The following ZBTB20 variants were observed in gnomAD, a reference collection of about 807,000 sequenced individuals.
The protein encoded by ZBTB20 is zinc finger and BTB domain containing 20, also known as zinc finger and BTB domain-containing protein 20.
A neutral mutation model predicts 56.9 loss-of-function variants in ZBTB20; 9 were observed. That is an observed-to-expected ratio of 0.16 (90% CI 0.10 to 0.28). The LOEUF (loss-of-function observed/expected upper bound fraction) is 0.28, where lower values mean the gene tolerates loss of function less well. Among genes scored for constraint, ZBTB20 ranks in the 10% least tolerant of loss-of-function variants. ZBTB20 has a pLI of 1.00. For synonymous variants in ZBTB20, 417 were observed against 420.7 expected, an observed-to-expected ratio of 0.99 and a Z score of 0.11; for missense variants, 655 against 1,003.0, an observed-to-expected ratio of 0.65 and a Z score of 4.69.
At chr3:114,856,384 A>C (rs1198742679) in intron 4 of ZBTB20, among the ~76,000 whole-genome samples, 1 of 152,162 alleles carries the variant, frequency 6.6e-6, no homozygotes, top group Non-Finnish European at 1.5e-5. Context: ...ATACCCCTTC[A>C]GTAAAAGAAG....
At chr3:114,360,833 C>T (rs1475387687) in intron 10 of ZBTB20, among the ~76,000 whole-genome samples, 8 of 151,768 alleles carry the variant, frequency 5.3e-5, no homozygotes, top group African/African-American at 7.3e-5. Context: ...AATTCATCTG[C>T]GCACCTAGGG....
At chr3:114,464,456 T>C (rs1208498810) in intron 7 of ZBTB20, among the ~76,000 whole-genome samples, 2 of 152,212 alleles carry the variant, frequency 1.3e-5, no homozygotes, top group South Asian at 2.1e-4. Context: ...CTATGTACTA[T>C]GGTTTTGACA....
At chr3:114,947,142 A>T (rs2076913786) in intron 3 of ZBTB20, among the ~76,000 whole-genome samples, 1 of 146,168 alleles carries the variant, frequency 6.8e-6, no homozygotes, top group Non-Finnish European at 1.5e-5. Context: ...GCTATTACTT[A>T]AAAAGACCAA....
At chr3:114,388,082 T>C (rs2108605997) in intron 8 of ZBTB20, 1 of 152,328 alleles carries the variant, frequency 6.6e-6, no homozygotes, top group East Asian at 1.9e-4. Context: ...CTAAGAGGGA[T>C]GTTAGTCTCC....
At chr3:115,118,709 T>G (rs1488286732) in intron 1 of ZBTB20, among the ~76,000 whole-genome samples, 7 of 129,694 alleles carry the variant, frequency 5.4e-5, no homozygotes, top group Non-Finnish European at 4.9e-5. Flanking sequence ...ACAAATTTTT[T>G]TTTTTTTTTT....
At chr3:114,641,861 C>T (rs1273117566) in intron 6 of ZBTB20, among the ~76,000 whole-genome samples, 2 of 151,702 alleles carry the variant, frequency 1.3e-5, no homozygotes, top group African/African-American at 2.4e-5. Flanking sequence ...TAAAAAAAGA[C>T]TCTCACTGTT....
intron 10 of ZBTB20, among the ~76,000 whole-genome samples, chr3:114,378,293 A>G (rs1421083908): frequency 6.6e-6 from 1 of 152,264 alleles, no homozygotes; most frequent in East Asian, 1.9e-4. Context: ...GGAGAAAAGT[A>G]TAATCAATTT....
intron 3 of ZBTB20, among the ~76,000 whole-genome samples, chr3:114,921,412 C>T (rs1424132428): frequency 3.9e-5 from 6 of 151,966 alleles, no homozygotes; most frequent in South Asian, 2.1e-4. Context: ...TGTGAGCCAC[C>T]GTGCCTGGCA....
At chr3:114,801,745 T>C (rs1012384217) in intron 4 of ZBTB20, among the ~76,000 whole-genome samples, 18 of 151,844 alleles carry the variant, frequency 1.2e-4, no homozygotes, top group Admixed American at 7.9e-4. Flanking sequence ...TGAAATGTAC[T>C]GTATTATGGG....
intron 6 of ZBTB20, among the ~76,000 whole-genome samples, chr3:114,617,099 C>T (rs1259942334): frequency 2.0e-5 from 3 of 152,210 alleles, no homozygotes; most frequent in Admixed American, 1.3e-4. Flanking sequence ...ACCCTGCTGA[C>T]AGGGTGATCT....
At chr3:114,902,000 A>C (rs1441313965) in intron 3 of ZBTB20, among the ~76,000 whole-genome samples, 2 of 152,200 alleles carry the variant, frequency 1.3e-5, no homozygotes, top group Non-Finnish European at 2.9e-5. Context: ...AAAAAGTTAT[A>C]AAATGCTATA....
At chr3:114,786,867 A>G (rs1247410507) in intron 5 of ZBTB20, among the ~76,000 whole-genome samples, 1 of 152,188 alleles carries the variant, frequency 6.6e-6, no homozygotes, top group Non-Finnish European at 1.5e-5. Flanking sequence ...GAAATTACCC[A>G]AATGTCTTTC....
intron 3 of ZBTB20, among the ~76,000 whole-genome samples, chr3:114,961,680 C>G (rs1458282880): frequency 6.6e-6 from 1 of 151,982 alleles, no homozygotes; most frequent in Non-Finnish European, 1.5e-5. Context: ...AAGAGGAAAC[C>G]CTATAATAAG....
At chr3:114,348,025 C>T (rs1209858311) in intron 11 of ZBTB20, among the ~76,000 whole-genome samples, 1 of 152,156 alleles carries the variant, frequency 6.6e-6, no homozygotes, top group African/African-American at 2.4e-5. Flanking sequence ...TCTCGGTTAA[C>T]CACAGAATCC....
intron 7 of ZBTB20, among the ~76,000 whole-genome samples, chr3:114,448,147 C>T (rs2091379566): frequency 6.6e-6 from 1 of 152,102 alleles, no homozygotes; most frequent in African/African-American, 2.4e-5. Context: ...AGCCTGCAGC[C>T]ACCCAGGATC....
chr3:114,895,846 T>C (rs917603887), intron 4 of ZBTB20, among the ~76,000 whole-genome samples: 2 of 152,092 alleles, frequency 1.3e-5, no homozygotes, highest in African/African-American at 4.8e-5. Context: ...ATACTATACA[T>C]AGGAAAGCTT....
intron 4 of ZBTB20, among the ~76,000 whole-genome samples, chr3:114,847,260 G>A (rs1376987986): frequency 6.8e-6 from 1 of 147,968 alleles, no homozygotes; most frequent in African/African-American, 2.5e-5. Context: ...TCAGATTTGG[G>A]ACCTTACCTT....
intron 6 of ZBTB20, among the ~76,000 whole-genome samples, chr3:114,680,774 C>T (rs2061924608): frequency 6.6e-6 from 1 of 152,044 alleles, no homozygotes. Flanking sequence ...AACAGTGGGG[C>T]CATCTGCAGG....
At chr3:114,541,124 C>T (rs899138893) in intron 6 of ZBTB20, among the ~76,000 whole-genome samples, 1 of 152,002 alleles carries the variant, frequency 6.6e-6, no homozygotes, top group East Asian at 1.9e-4. Flanking sequence ...GGTTAAATGC[C>T]CTTTTGATTA....
Sources: allele counts gnomAD v4.1 joint callset (sites outside exome capture counted in the v4.1 genomes callset), GRCh38; gene constraint gnomAD v4.1.1; transcripts MANE v1.5; gene names NCBI Gene and HGNC (gene_info 2026-07-23, HGNC 2026-07-21).